CX3CR1: variants seen among roughly 807,000 people sequenced by gnomAD.
The protein encoded by CX3CR1 is CX3C chemokine receptor 1.
For synonymous variants in CX3CR1, 168 were observed against 178.5 expected (o/e 0.94, Z 0.47); for missense variants, 363 against 432.4 (o/e 0.84, Z 1.42).
chr3:39,269,322 T>G (rs1375110972), intron 1 of CX3CR1, among the ~76,000 whole-genome samples: 2 of 152,164 alleles, frequency 1.3e-5, no homozygotes, highest in Admixed American at 1.3e-4. Context: ...CCCTTTGCCT[T>G]ACTGGGTGCT....
chr3:39,282,238 C>T (rs758791123), upstream of CX3CR1, among the ~76,000 whole-genome samples: 6 of 152,182 alleles, frequency 3.9e-5, no homozygotes, highest in Admixed American at 3.3e-4. Flanking sequence ...CCTCCCTCCA[C>T]GCCTCCTTGG....
chr3:39,290,525 C>A, the CX3CR1 span, among the ~76,000 whole-genome samples: 2 of 152,154 alleles, frequency 1.3e-5, no homozygotes, highest in Non-Finnish European at 2.9e-5. Context: ...AAAATAAAAT[C>A]TCGGGACCTT....
In CX3CR1 at chr3:39,265,517, C is replaced by G. The variant is rs755482177; in HGVS notation, c.993G>C (p.Arg331Ser). Residue 331 changes from arginine (R) to serine (S), a missense_variant, in exon 2 of 2, where the codon AGG (arginine) becomes AGC (serine). Transcript: ENST00000399220. ...TGCTCAGAACACTTCCATGCCTGCT[C>G]CTTTGTGATTCAGATGAGGAGAAAT... ...HVDFSSSESQ[R>S]SRHGSVLSSN... 1.1e-5 allele frequency: 17 copies of G among 1,614,092 alleles called. No homozygotes were observed. Among genetic ancestry groups the G allele is most frequent in the Non-Finnish European group, 1.4e-5 (16 of 1,180,046 alleles).
In CX3CR1 at chr3:39,265,862, C is replaced by G; in HGVS notation, c.648G>C (p.Gln216His). ...IMSYCYFRII[Q>H]TLFSCKNHKK... ...TGTGGTTCTTGCAGGAAAACAGCGT[C>G]TGGATGATTCTGAAGTAGCAATAAC... Residue 216 changes from glutamine (Q) to histidine (H), a missense_variant, in exon 2 of 2, where the codon CAG (glutamine) becomes CAC (histidine). Gln to His is a conservative substitution (Grantham distance 24). Coordinates refer to ENST00000399220, the MANE Select transcript of CX3CR1 (RefSeq NM_001337.4). The G allele has an allele frequency of 6.2e-7, 1 of 1,614,200 alleles. No individual in the cohort carries two copies. Among genetic ancestry groups the G allele is most frequent in the Non-Finnish European group, 8.5e-7 (1 of 1,180,044 alleles).
the CX3CR1 span, chr3:39,286,910 C>T: frequency 6.6e-6 from 1 of 152,160 alleles, no homozygotes; most frequent in African/African-American, 2.4e-5. Flanking sequence ...AACATCTGAC[C>T]ATCTACTTTC....
In CX3CR1 at chr3:39,264,628, A is replaced by G. The variant is rs1247457429; in HGVS notation, c.*814T>C. 1 of 152,250 alleles carries G rather than the reference A, an allele frequency of 6.6e-6. No individual in the cohort carries two copies. The highest frequency in any genetic ancestry group is 2.4e-5 in the African/African-American group (1 of 41,428). The allele number at this position is 152,250 out of a possible 1,614,324, so 9.4% of individuals were successfully genotyped here. On this transcript the variant is annotated 3_prime_UTR_variant, in exon 2 of 2. Transcript: ENST00000399220. ...GGACGTATGAGAAGCCAAGCATTTGAGTTTTGACTCGATGCAGTAGGCAGT... is the reference window on the plus strand; with the variant it reads ...GGACGTATGAGAAGCCAAGCATTTGGGTTTTGACTCGATGCAGTAGGCAGT...
intron 1 of CX3CR1, among the ~76,000 whole-genome samples, chr3:39,267,485 CAG>C (rs2040718860): frequency 6.6e-6 from 1 of 152,190 alleles, no homozygotes; most frequent in Admixed American, 6.5e-5. Flanking sequence ...AGGTATCAGA[CAG>C]AGTCATACAC....
intron 1 of CX3CR1, among the ~76,000 whole-genome samples, chr3:39,269,025 T>C (rs1158725597): frequency 6.6e-6 from 1 of 152,186 alleles, no homozygotes; most frequent in African/African-American, 2.4e-5. Flanking sequence ...TTTTTCCCCC[T>C]GAAATAAGAC....
At chr3:39,290,088 G>A in the CX3CR1 span, among the ~76,000 whole-genome samples, 2 of 152,176 alleles carry the variant, frequency 1.3e-5, no homozygotes, top group Non-Finnish European at 2.9e-5. Flanking sequence ...TAAAAGTTAG[G>A]TTTGTTTAGC....
At chr3:39,276,010 A>C (rs2040836634) in intron 1 of CX3CR1, among the ~76,000 whole-genome samples, 2 of 152,184 alleles carry the variant, frequency 1.3e-5, no homozygotes, top group Non-Finnish European at 1.5e-5. Flanking sequence ...GTGGCAGTGA[A>C]TAGTGGGTGG....
chr3:39,278,167 T>C (rs1427567769), intron 1 of CX3CR1, among the ~76,000 whole-genome samples: 1 of 152,064 alleles, frequency 6.6e-6, no homozygotes, highest in East Asian at 1.9e-4. Context: ...AGGAGCAGGG[T>C]TCAGGAGCAG....
rs746199750 is a variant in CX3CR1 at position 39,266,254 on chromosome 3, A to T, written c.256T>A (p.Phe86Ile). The change falls in exon 2 of 2, where the codon TTC (phenylalanine) becomes ATC (isoleucine). Residue 86 changes from phenylalanine to isoleucine, a missense_variant. Physicochemically the swap from Phe to Ile is conservative, Grantham distance 21. Coordinates refer to ENST00000399220, the MANE Select transcript of CX3CR1 (RefSeq NM_001337.4). ...TCATTTATCAAATAGTGAGTCCAGA[A>T]GGGCAAAGTGGCTACAAACAGCAGA... ...SDLLFVATLP[F>I]WTHYLINEKG... is the part of the protein sequence containing the mutation. The T allele has an allele frequency of 1.2e-6, 2 of 1,614,244 alleles. No homozygotes were observed. Among genetic ancestry groups the T allele is most frequent in the South Asian group, 1.1e-5 (1 of 91,086 alleles).
At chr3:39,285,136 G>C (rs2040935603), upstream of CX3CR1, among the ~76,000 whole-genome samples, 1 of 151,664 alleles carries the variant, frequency 6.6e-6, no homozygotes, top group Non-Finnish European at 1.5e-5. Flanking sequence ...CACCTTGGGA[G>C]GCCAAAGTGG....
rs930716832 is a variant in CX3CR1 at position 39,265,097 on chromosome 3, C to T, written c.*345G>A. ...TGGCTCAGGCCCTGGTTTCCCCTCA[C>T]TTTGAGGGCTCAGACACCCTTTTGC... On this transcript the variant is annotated 3_prime_UTR_variant, in exon 2 of 2. Transcript: ENST00000399220. 3.1e-5 allele frequency: 6 copies of T among 190,920 alleles called. No homozygotes were observed. Among genetic ancestry groups the T allele is most frequent in the Admixed American group, 1.7e-4 (3 of 17,386 alleles). 11.8% of individuals were successfully genotyped at this position (190,920 alleles called of 1,614,324 possible). A position where few individuals can be genotyped will look rare whatever the true frequency, so the allele number is the denominator to read the frequency against.
intron 1 of CX3CR1, among the ~76,000 whole-genome samples, chr3:39,275,763 G>A (rs192871093): frequency 6.6e-6 from 1 of 152,316 alleles, no homozygotes; most frequent in Admixed American, 6.5e-5. Flanking sequence ...TAGGCACTGT[G>A]CTAGATTCTG....
chr3:39,283,455 G>A (rs982300762), upstream of CX3CR1, among the ~76,000 whole-genome samples: 6 of 151,884 alleles, frequency 4.0e-5, no homozygotes, highest in Non-Finnish European at 8.8e-5. Context: ...CATATCTGTG[G>A]AATAAAATTC....
At chr3:39,269,020 C>G (rs921185806) in intron 1 of CX3CR1, among the ~76,000 whole-genome samples, 1 of 151,272 alleles carries the variant, frequency 6.6e-6, no homozygotes, top group African/African-American at 2.4e-5. Context: ...ATTTTTTTTT[C>G]CCCCTGAAAT....
At chr3:39,274,087 T>C (rs1298358806) in intron 1 of CX3CR1, among the ~76,000 whole-genome samples, 1 of 152,170 alleles carries the variant, frequency 6.6e-6, no homozygotes. Flanking sequence ...TGTTTGGAGA[T>C]AGGGAGCTGG....
upstream of CX3CR1, among the ~76,000 whole-genome samples, chr3:39,283,843 T>A (rs570571656): frequency 4.7e-3 from 347 of 74,076 alleles, 5 homozygotes; most frequent in African/African-American, 6.4e-3. Context: ...ATATATATAA[T>A]GTGGTTAATA....
Sources: gnomAD v4.1 joint callset for allele counts (sites outside exome capture counted in the v4.1 genomes callset) on GRCh38, gnomAD v4.1.1 for gene constraint, MANE v1.5 for transcripts, NCBI Gene and HGNC (gene_info 2026-07-23, HGNC 2026-07-21) for gene names.